The following HMG20A variants were observed in gnomAD, a reference collection of about 807,000 sequenced individuals.
HMG20A encodes the protein high mobility group 20A.
Under a neutral mutation model 43.9 loss-of-function variants are expected in HMG20A, and 17 were observed. That is an observed-to-expected ratio of 0.39 (90% CI 0.27 to 0.58). The LOEUF (loss-of-function observed/expected upper bound fraction) is 0.58. HMG20A is among the 20% of genes least tolerant of loss of function. The pLI, the probability that HMG20A is intolerant of heterozygous loss-of-function variation, is 0.59. For synonymous variants in HMG20A, 132 were observed against 147.5 expected (o/e 0.89, Z 0.76); for missense variants, 341 against 438.2 (o/e 0.78, Z 1.98).
chr15:77,452,424 C>A (rs562385842), intron 1 of HMG20A, among the ~76,000 whole-genome samples: 1 of 152,138 alleles, frequency 6.6e-6, no homozygotes, highest in Non-Finnish European at 1.5e-5. Context: ...GCATCTGATA[C>A]ATTCTTGATT....
chr15:77,477,140 A>G (rs74026921), intron 6 of HMG20A, among the ~76,000 whole-genome samples: 2,265 of 152,278 alleles, frequency 0.015, 56 homozygotes, highest in African/African-American at 0.051. Flanking sequence ...ATATTGCATA[A>G]TCTTATCTCA....
the HMG20A span, among the ~76,000 whole-genome samples, chr15:77,517,122 T>C: frequency 6.6e-6 from 1 of 152,226 alleles, no homozygotes; most frequent in African/African-American, 2.4e-5. Context: ...CAGGCCCACT[T>C]GCCTGTCTGA....
chr15:77,443,184 C>A (rs2073632013), intron 1 of HMG20A, among the ~76,000 whole-genome samples: 1 of 151,156 alleles, frequency 6.6e-6, no homozygotes, highest in African/African-American at 2.4e-5. Context: ...AGGCTCCTGC[C>A]ACCATACCGG....
At position 77,428,494 on chromosome 15, in the gene HMG20A, C is replaced by A. The variant is rs568871467; in HGVS notation, c.-5+7490C>A. Among the ~76,000 whole-genome samples the A allele has an allele frequency of 5.9e-5, 9 of 151,864 alleles. No individual in the cohort carries two copies. The South Asian group carries it at 1.9e-3, about 32-fold the overall frequency. Reference sequence around the variant, plus strand: ...AGCGTGTAAGACATTCAAAGCATATCAGCAAAAAAGGAGAGATTCCTTCAT... The same window carrying A: ...AGCGTGTAAGACATTCAAAGCATATAAGCAAAAAAGGAGAGATTCCTTCAT... On this transcript the variant is annotated intron_variant, in intron 1 of 9. Coordinates refer to ENST00000336216, the MANE Select transcript of HMG20A (RefSeq NM_001304504.2).
intron 2 of HMG20A, 51 bp downstream of exon 2, chr15:77,458,547 GCTT>G (rs2072677902): frequency 8.0e-7 from 1 of 1,251,026 alleles, no homozygotes; most frequent in Non-Finnish European, 1.2e-6. Flanking sequence ...TCAAAACAAA[GCTT>G]CTAGCAAAGT....
downstream of HMG20A, among the ~76,000 whole-genome samples, chr15:77,486,599 A>G (rs1323856617): frequency 2.0e-5 from 3 of 152,164 alleles, no homozygotes; most frequent in Non-Finnish European, 4.4e-5. Flanking sequence ...AAATATTTTT[A>G]AAGGAAATTT....
chr15:77,445,797 T>C (rs1409475522), intron 1 of HMG20A, among the ~76,000 whole-genome samples: 1 of 152,152 alleles, frequency 6.6e-6, no homozygotes, highest in Non-Finnish European at 1.5e-5. Context: ...ATGGATATGC[T>C]GGACAAGGGG....
intron 4 of HMG20A, among the ~76,000 whole-genome samples, chr15:77,469,136 CA>C (rs2142344262): frequency 6.6e-6 from 1 of 151,698 alleles, no homozygotes; most frequent in Non-Finnish European, 1.5e-5. Flanking sequence ...TGCAGGCACA[CA>C]ATGTCCTTTT....
intron 1 of HMG20A, among the ~76,000 whole-genome samples, chr15:77,432,671 G>A (rs970222729): frequency 1.7e-4 from 25 of 143,814 alleles, no homozygotes; most frequent in African/African-American, 5.6e-4. Flanking sequence ...GCAGTAAGCC[G>A]AGATCGCGCC....
intron 9 of HMG20A, 102 bp downstream of exon 9, chr15:77,479,423 G>A: frequency 1.9e-6 from 2 of 1,075,868 alleles, no homozygotes; most frequent in Non-Finnish European, 2.7e-6. Flanking sequence ...TACATTGGAT[G>A]AACAAGTTGG....
At chr15:77,454,163 T>TAAAAA (rs531023947) in intron 1 of HMG20A, among the ~76,000 whole-genome samples, 2 of 129,320 alleles carry the variant, frequency 1.5e-5, no homozygotes, top group Admixed American at 1.6e-4. Context: ...CCCTGTCTCT[T>TAAAAA]AAAAAAAAAA....
intron 1 of HMG20A, among the ~76,000 whole-genome samples, chr15:77,430,801 T>C (rs1479416269): frequency 6.6e-6 from 1 of 152,218 alleles, no homozygotes; most frequent in Non-Finnish European, 1.5e-5. Flanking sequence ...TTTAAGCCAA[T>C]AGCTTTGGAT....
chr15:77,471,086 G>T (rs1468443489), intron 5 of HMG20A, 44 bp downstream of exon 5: 1 of 1,583,766 alleles, frequency 6.3e-7, no homozygotes, highest in Non-Finnish European at 8.6e-7. Context: ...TGTTGTGGGT[G>T]ATGGAGTGTC....
chr15:77,430,224 C>T (rs1170661747), intron 1 of HMG20A, among the ~76,000 whole-genome samples: 2 of 152,134 alleles, frequency 1.3e-5, no homozygotes, highest in African/African-American at 2.4e-5. Context: ...ATAGTGTTAA[C>T]GTTCATTTTA....
At chr15:77,458,242 C>T (rs2072674227) in intron 1 of HMG20A, 162 bp from the exon 2 acceptor site, 4 of 527,114 alleles carry the variant, frequency 7.6e-6, no homozygotes, top group Non-Finnish European at 1.3e-5. Flanking sequence ...ATTTACCATA[C>T]AGTTTAAATT....
chr15:77,511,724 C>T, the HMG20A span, among the ~76,000 whole-genome samples: 3 of 152,190 alleles, frequency 2.0e-5, no homozygotes, highest in Non-Finnish European at 4.4e-5. Flanking sequence ...CCGCCTCACA[C>T]CCATTAGGAT....
At chr15:77,479,358 A>C in intron 9 of HMG20A, 37 bp downstream of exon 9, 1 of 1,592,752 alleles carries the variant, frequency 6.3e-7, no homozygotes. Flanking sequence ...ATGCCAGCAC[A>C]TCATCAAAAA....
intron 9 of HMG20A, chr15:77,482,542 G>C (rs2072914041): frequency 6.6e-6 from 1 of 152,162 alleles, no homozygotes; most frequent in Admixed American, 6.5e-5. Context: ...AAATGTTCTT[G>C]ATTATATGCA....
chr15:77,480,660 AAGAG>A (rs959935614), intron 9 of HMG20A, among the ~76,000 whole-genome samples: 3 of 151,536 alleles, frequency 2.0e-5, no homozygotes, highest in Non-Finnish European at 4.4e-5. Flanking sequence ...ATAAGCAAAA[AAGAG>A]AGAGAAAATA....
Sources: gnomAD v4.1 joint callset for allele counts (sites outside exome capture counted in the v4.1 genomes callset) on GRCh38, gnomAD v4.1.1 for gene constraint, MANE v1.5 for transcripts, NCBI Gene and HGNC (gene_info 2026-07-23, HGNC 2026-07-21) for gene names.